The following LSAMP variants were observed in gnomAD, a reference collection of about 807,000 sequenced individuals.
LSAMP encodes the protein limbic system associated membrane protein, also known as limbic system-associated membrane protein.
Under a neutral mutation model 38.6 loss-of-function variants are expected in LSAMP, and 7 were observed. The ratio of observed to expected loss-of-function variants is 0.18; its 90% CI spans 0.10 to 0.34. LSAMP has a LOEUF of 0.34. LSAMP is among the 10% of genes least tolerant of loss of function. The probability of loss-of-function intolerance (pLI) is 1.00; values close to 1 mark genes in which losing one functional copy is unlikely to be tolerated. For synonymous variants in LSAMP, 154 were observed against 166.8 expected, an observed-to-expected ratio of 0.92 and a Z score of 0.59; for missense variants, 313 against 420.0, an observed-to-expected ratio of 0.75 and a Z score of 2.23.
intron 1 of LSAMP, among the ~76,000 whole-genome samples, chr3:116,247,135 T>A (rs1365083111): frequency 6.6e-6 from 1 of 152,154 alleles, no homozygotes; most frequent in Non-Finnish European, 1.5e-5. Flanking sequence ...AAAAGTAAGG[T>A]CACAGAACTC....
At chr3:116,080,331 T>G (rs1396251792) in intron 2 of LSAMP, among the ~76,000 whole-genome samples, 2 of 152,190 alleles carry the variant, frequency 1.3e-5, no homozygotes, top group Non-Finnish European at 2.9e-5. Context: ...TGTGCCACTA[T>G]TGGTACTAAG....
intron 1 of LSAMP, among the ~76,000 whole-genome samples, chr3:116,389,405 G>A (rs2048665263): frequency 6.6e-6 from 1 of 152,100 alleles, no homozygotes; most frequent in Non-Finnish European, 1.5e-5. Context: ...CAGTGATGCT[G>A]GATAAATTTG....
chr3:116,215,643 C>A (rs1424721734), intron 1 of LSAMP, among the ~76,000 whole-genome samples: 2 of 152,126 alleles, frequency 1.3e-5, no homozygotes, highest in Admixed American at 6.5e-5. Context: ...CAGAATCTTA[C>A]CCTAAACTTT....
intron 3 of LSAMP, among the ~76,000 whole-genome samples, chr3:116,016,355 T>C (rs1940482960): frequency 6.6e-6 from 1 of 152,210 alleles, no homozygotes; most frequent in Admixed American, 6.6e-5. Flanking sequence ...AGAATAGTAG[T>C]CTGCCCTCAA....
chr3:116,107,471 C>A (rs13069470), intron 1 of LSAMP, among the ~76,000 whole-genome samples: 1 of 152,068 alleles, frequency 6.6e-6, no homozygotes, highest in African/African-American at 2.4e-5. Flanking sequence ...CTACAGGGTG[C>A]GGTCCTGGCT....
intron 1 of LSAMP, among the ~76,000 whole-genome samples, chr3:116,344,383 T>A (rs2107757329): frequency 6.6e-6 from 1 of 152,188 alleles, no homozygotes; most frequent in African/African-American, 2.4e-5. Flanking sequence ...AATAAATGAT[T>A]AACAGCCAAA....
chr3:115,883,856 G>T (rs1243824721), intron 3 of LSAMP, among the ~76,000 whole-genome samples: 1 of 151,882 alleles, frequency 6.6e-6, no homozygotes, highest in Non-Finnish European at 1.5e-5. Flanking sequence ...CTTATGAGGG[G>T]ACACAGTGAA....
At chr3:116,226,171 C>T (rs965515979) in intron 1 of LSAMP, among the ~76,000 whole-genome samples, 9 of 152,140 alleles carry the variant, frequency 5.9e-5, no homozygotes, top group Non-Finnish European at 1.3e-4. Context: ...CCATGATTTC[C>T]TTACCCCCCA....
chr3:115,918,961 G>A (rs1937319393), intron 3 of LSAMP, among the ~76,000 whole-genome samples: 1 of 152,108 alleles, frequency 6.6e-6, no homozygotes, highest in South Asian at 2.1e-4. Context: ...CTGGCATAGG[G>A]AAAACTCAGA....
At chr3:116,382,274 A>C (rs967478874) in intron 1 of LSAMP, among the ~76,000 whole-genome samples, 1 of 152,196 alleles carries the variant, frequency 6.6e-6, no homozygotes, top group South Asian at 2.1e-4. Context: ...TCAATGGTAG[A>C]CTGGATTAAG....
At chr3:116,222,828 C>T (rs1408803046) in intron 1 of LSAMP, among the ~76,000 whole-genome samples, 3 of 144,668 alleles carry the variant, frequency 2.1e-5, no homozygotes, top group African/African-American at 5.2e-5. Context: ...CTCTGCCTCC[C>T]GGGTTCACAC....
intron 1 of LSAMP, among the ~76,000 whole-genome samples, chr3:116,272,635 T>C (rs530840936): frequency 1.1e-3 from 163 of 152,300 alleles, no homozygotes; most frequent in Non-Finnish European, 5.1e-4. Context: ...TTCTTGCCTT[T>C]GCTTTGTTTT....
intron 1 of LSAMP, among the ~76,000 whole-genome samples, chr3:116,208,871 C>G (rs2046109188): frequency 6.6e-6 from 1 of 152,218 alleles, no homozygotes; most frequent in African/African-American, 2.4e-5. Context: ...GTGCCCTGCC[C>G]CCAGAGGTGG....
chr3:115,825,731 G>A (rs1399124915), intron 6 of LSAMP, among the ~76,000 whole-genome samples: 1 of 152,048 alleles, frequency 6.6e-6, no homozygotes, highest in East Asian at 1.9e-4. Context: ...TAAACTTGAT[G>A]TATTCGTATA....
Position 115,842,458 on chromosome 3 carries a change from C to G in LSAMP, c.770G>C (p.Arg257Thr). The change falls in exon 5 of 7, where the codon AGG (arginine) becomes ACG (threonine). Residue 257 changes from arginine to threonine, a missense_variant and splice_region_variant. Transcript: ENST00000490035. ...GGGGGATGGTAGGTTTGGCACATACCTAGTGTCATCCCGGTACCACTCAAA... is the reference window on the plus strand; with the variant it reads ...GGGGGATGGTAGGTTTGGCACATACGTAGTGTCATCCCGGTACCACTCAAA... ...PDFEWYRDDT[R>T]INSANGLEIK... is the part of the protein sequence containing the mutation. The G allele has an allele frequency of 1.2e-6, 2 of 1,613,502 alleles. No homozygotes were observed. The highest frequency in any genetic ancestry group is 1.7e-6 in the Non-Finnish European group (2 of 1,179,664).
intron 1 of LSAMP, among the ~76,000 whole-genome samples, chr3:116,317,481 G>C (rs758526223): frequency 7.9e-5 from 12 of 150,948 alleles, no homozygotes; most frequent in African/African-American, 2.9e-4. Flanking sequence ...TCAGCCTCCC[G>C]AGTAGCTGGG....
chr3:116,084,072 G>A lies in LSAMP; in HGVS notation c.388+2252C>T, dbSNP rs562910159. ...CAGACAAACATGGGTTTGAAACCCT[G>A]TCCTAAGCCTACAGAAAGCCTTTGG... On this transcript the variant is annotated intron_variant, in intron 2 of 6. Transcript: ENST00000490035. Among the ~76,000 whole-genome samples the A allele has an allele frequency of 2.0e-5, 3 of 152,070 alleles. No homozygotes were observed. The South Asian group carries it at 6.2e-4, about 32-fold the overall frequency.
chr3:116,440,581 C>T (rs1444560440), intron 1 of LSAMP, among the ~76,000 whole-genome samples: 2 of 152,150 alleles, frequency 1.3e-5, no homozygotes, highest in African/African-American at 4.8e-5. Context: ...GCGAGATTTG[C>T]CCACTCTGTT....
rs181260363 is a variant in LSAMP, at chr3:116,054,781, C to T, written c.388+31543G>A. Among the ~76,000 whole-genome samples, 143 of 152,264 alleles carry T rather than the reference C, an allele frequency of 9.4e-4. 1 individual carries two copies. The highest frequency in any genetic ancestry group is 3.0e-3 in the African/African-American group (124 of 41,560). ...ATCCTTGACTGAAAAATTAGCAACACGGTCTGACATTTACAGTCACATTTA... is the reference window on the plus strand; with the variant it reads ...ATCCTTGACTGAAAAATTAGCAACATGGTCTGACATTTACAGTCACATTTA... On this transcript the variant is annotated intron_variant, in intron 2 of 6. Transcript: ENST00000490035.
Sources: gnomAD v4.1 joint callset for allele counts (sites outside exome capture counted in the v4.1 genomes callset) on GRCh38, gnomAD v4.1.1 for gene constraint, MANE v1.5 for transcripts, NCBI Gene and HGNC (gene_info 2026-07-23, HGNC 2026-07-21) for gene names.